PTPRC: variants seen among roughly 807,000 people sequenced by gnomAD.
PTPRC encodes the protein receptor-type tyrosine-protein phosphatase C.
PTPRC carries 44 observed loss-of-function variants against 155.9 expected under a neutral mutation model. The ratio of observed to expected loss-of-function variants is 0.28; its 90% confidence interval spans 0.22 to 0.36. The LOEUF (loss-of-function observed/expected upper bound fraction) is 0.36. Ranked by LOEUF, PTPRC falls within the 10% of genes least tolerant of loss-of-function variation. The pLI is 1.00. For missense variants in PTPRC, 1,401 were observed against 1,564.6 expected (o/e 0.90, Z 1.76); for synonymous variants, 525 against 533.1 (o/e 0.98, Z 0.21).
intron 17 of PTPRC, among the ~76,000 whole-genome samples, chr1:198,730,729 T>C (rs1308468240): frequency 1.3e-5 from 2 of 152,134 alleles, no homozygotes; most frequent in Non-Finnish European, 2.9e-5. Context: ...AATGTGGCCC[T>C]CAGTTCAGAA....
intron 26 of PTPRC, 115 bp from the exon 27 acceptor site, chr1:198,747,994 A>G (rs1452448397): frequency 9.7e-6 from 14 of 1,446,164 alleles, no homozygotes; most frequent in Non-Finnish European, 1.2e-5. Flanking sequence ...TATAGGGAGC[A>G]TATGCAAATT....
At chr1:198,724,372 C>G (rs1654031783) in intron 15 of PTPRC, among the ~76,000 whole-genome samples, 1 of 152,152 alleles carries the variant, frequency 6.6e-6, no homozygotes, top group Non-Finnish European at 1.5e-5. Flanking sequence ...CCTGGGGACC[C>G]TTTCTTCTTG....
At chr1:198,734,639 C>G (rs1345259231) in intron 22 of PTPRC, among the ~76,000 whole-genome samples, 1 of 151,666 alleles carries the variant, frequency 6.6e-6, no homozygotes, top group Non-Finnish European at 1.5e-5. Context: ...AATTTCAATG[C>G]TTCTGATTAA....
chr1:198,714,105 G>A (rs1370096071), intron 12 of PTPRC, among the ~76,000 whole-genome samples: 1 of 152,096 alleles, frequency 6.6e-6, no homozygotes, highest in East Asian at 1.9e-4. Flanking sequence ...GAAATTCCAG[G>A]AAGATAAAAC....
At chr1:198,667,913 A>C (rs1664412254) in intron 2 of PTPRC, among the ~76,000 whole-genome samples, 2 of 152,334 alleles carry the variant, frequency 1.3e-5, no homozygotes, top group East Asian at 3.9e-4. Context: ...AAAGATAAAA[A>C]CTGGAAAGAA....
chr1:198,639,576 A>G (rs900469946), intron 2 of PTPRC, among the ~76,000 whole-genome samples: 14 of 152,054 alleles, frequency 9.2e-5, no homozygotes, highest in African/African-American at 3.4e-4. Flanking sequence ...AAGGAAAGCA[A>G]TGTCTATCTG....
intron 2 of PTPRC, among the ~76,000 whole-genome samples, chr1:198,648,433 C>T (rs1186316975): frequency 6.6e-6 from 1 of 151,464 alleles, no homozygotes; most frequent in Non-Finnish European, 1.5e-5. Context: ...CTAGATAGAC[C>T]AGATTCTAGA....
chr1:198,688,997 A>T (rs1665781882), intron 2 of PTPRC, among the ~76,000 whole-genome samples: 1 of 152,198 alleles, frequency 6.6e-6, no homozygotes, highest in Non-Finnish European at 1.5e-5. Context: ...TAAGCAAAAG[A>T]CTTAGTATAG....
Position 198,756,507 on chromosome 1 carries a change from T to C in PTPRC, c.*326T>C. On this transcript the variant is annotated 3_prime_UTR_variant, in exon 33 of 33. Coordinates refer to ENST00000442510, the MANE Select transcript of PTPRC (RefSeq NM_002838.5). ...AAGAGAGAGAATTCTTTCAAGTGAA[T>C]CTAAAAGCTTTTGCTTTTCCTTTGT... 1 of 219,276 alleles carries C rather than the reference T, an allele frequency of 4.6e-6. No individual in the cohort carries two copies. The highest frequency in any genetic ancestry group is 9.1e-6 in the Non-Finnish European group (1 of 109,998). The allele number at this position is 219,276 out of a possible 1,614,324, so 13.6% of individuals were successfully genotyped here.
Position 198,690,294 on chromosome 1 carries a change from G to GCAAAT in PTPRC, c.74-2049_74-2045dup, listed in dbSNP as rs200645123. On this transcript the variant is annotated intron_variant, in intron 2 of 32. Transcript: ENST00000442510. ...ATATTTTTTTCTTATTACCTCTTTT[G>GCAAAT]CAAATCAACACAATTCTAAGACTGT... Among the ~76,000 whole-genome samples, 1,497 of 151,698 alleles carry GCAAAT rather than the reference G, an allele frequency of 9.9e-3. 24 individuals carry two copies. The highest frequency in any genetic ancestry group is 0.033 in the African/African-American group (1,385 of 41,368).
chr1:198,692,289 T>C lies in PTPRC; in HGVS notation c.74-58T>C, dbSNP rs899115083. ...TACATATAAAAATCTAATATATGTT[T>C]ACATTAATATGAATGAAATTTGAAA... is the stretch of plus-strand genomic sequence containing the variant. On this transcript the variant is annotated intron_variant, in intron 2 of 32. Transcript: ENST00000442510. The C allele has an allele frequency of 1.9e-5, 25 of 1,298,848 alleles. No homozygotes were observed. The African/African-American group carries it at 3.9e-4, about 20-fold the overall frequency. The allele number at this position is 1,298,848 out of a possible 1,614,324, so 80.5% of individuals were successfully genotyped here.
Position 198,709,920 on chromosome 1 carries a change from G to GT in PTPRC, c.1171+101dup, listed in dbSNP as rs1338674994. The GT allele has an allele frequency of 2.0e-6, 3 of 1,496,306 alleles. No homozygotes were observed. The African/African-American group carries it at 4.2e-5, about 21-fold the overall frequency. 92.7% of individuals were successfully genotyped at this position (1,496,306 alleles called of 1,614,324 possible). On this transcript the variant is annotated intron_variant, in intron 11 of 32. Transcript: ENST00000442510. ...ATAGGAAATGAATTGTCTTTTTGCT[G>GT]TTTTTGATACTTTTTAAGCATATGC...
intron 2 of PTPRC, among the ~76,000 whole-genome samples, chr1:198,676,954 A>C (rs1213168528): frequency 6.6e-6 from 1 of 152,152 alleles, no homozygotes; most frequent in Admixed American, 6.5e-5. Flanking sequence ...TTAACAATAA[A>C]ATAAGATTTT....
chr1:198,676,588 A>G (rs1664966960), intron 2 of PTPRC, among the ~76,000 whole-genome samples: 1 of 152,128 alleles, frequency 6.6e-6, no homozygotes, highest in Non-Finnish European at 1.5e-5. Context: ...CCTTGCATAG[A>G]GATAGAATCA....
At chr1:198,650,165 AG>A (rs1257145263) in intron 2 of PTPRC, among the ~76,000 whole-genome samples, 1 of 151,882 alleles carries the variant, frequency 6.6e-6, no homozygotes, top group Non-Finnish European at 1.5e-5. Flanking sequence ...TGGTGAGGCT[AG>A]AAAGATAAGC....
At chr1:198,713,656 A>G (rs1653423355) in intron 12 of PTPRC, among the ~76,000 whole-genome samples, 2 of 152,352 alleles carry the variant, frequency 1.3e-5, no homozygotes, top group Admixed American at 6.5e-5. Flanking sequence ...AAATGTTCAA[A>G]TGAGATGCTA....
chr1:198,680,786 G>C (rs1362430280), intron 2 of PTPRC, among the ~76,000 whole-genome samples: 1 of 152,114 alleles, frequency 6.6e-6, no homozygotes, highest in Non-Finnish European at 1.5e-5. Context: ...GGAATTCAAG[G>C]ACTGTGTACC....
At chr1:198,727,303 A>T (rs1654184500) in intron 15 of PTPRC, among the ~76,000 whole-genome samples, 1 of 152,020 alleles carries the variant, frequency 6.6e-6, no homozygotes, top group Non-Finnish European at 1.5e-5. Flanking sequence ...CTTCTCACCT[A>T]CATGACCATT....
At chr1:198,697,516 T>G (rs1258557809) in intron 4 of PTPRC, among the ~76,000 whole-genome samples, 2 of 152,186 alleles carry the variant, frequency 1.3e-5, no homozygotes, top group Non-Finnish European at 2.9e-5. Context: ...AAAATCAGAT[T>G]GATGCAAGAG....
Sources: allele counts gnomAD v4.1 joint callset (sites outside exome capture counted in the v4.1 genomes callset), GRCh38; gene constraint gnomAD v4.1.1; transcripts MANE v1.5; gene names NCBI Gene and HGNC (gene_info 2026-07-23, HGNC 2026-07-21).